RIMS3: variants seen among roughly 807,000 people sequenced by gnomAD.
RIMS3 encodes regulating synaptic membrane exocytosis 3.
A neutral mutation model predicts 29.2 loss-of-function variants in RIMS3; 15 were observed. The observed-to-expected ratio is 0.51, with a 90% CI of 0.34 to 0.79. RIMS3 has a LOEUF of 0.79. Among genes scored for constraint, RIMS3 ranks in the 30% least tolerant of loss-of-function variants. The pLI, the probability that RIMS3 is intolerant of heterozygous loss-of-function variation, is 0.01. For synonymous variants in RIMS3, 161 were observed against 170.1 expected (o/e 0.95, Z 0.41); for missense variants, 342 against 421.4 (o/e 0.81, Z 1.65).
At chr1:40,675,563 G>A in the RIMS3 span, among the ~76,000 whole-genome samples, 1 of 152,062 alleles carries the variant, frequency 6.6e-6, no homozygotes, top group Non-Finnish European at 1.5e-5. Context: ...TTCGAGACCA[G>A]CCTGGCAAAC....
rs1365728758 is a variant in RIMS3 at position 40,624,540 on chromosome 1, C to T, written c.*1977G>A. On this transcript the variant is annotated 3_prime_UTR_variant, in exon 8 of 8. Coordinates refer to ENST00000372684, the MANE Select transcript of RIMS3 (RefSeq NM_014747.3). ...CCCATCTCTATGCACCCAATGGTCC[C>T]TTTCTCTGATAATATAAGAATAGAG... 1 of 152,342 alleles carries T rather than the reference C, an allele frequency of 6.6e-6. No homozygotes were observed. The highest frequency in any genetic ancestry group is 1.9e-4 in the East Asian group (1 of 5,176). The allele number at this position is 152,342 out of a possible 1,614,324, so 9.4% of individuals were successfully genotyped here.
intron 1 of RIMS3, among the ~76,000 whole-genome samples, chr1:40,661,423 T>C (rs992274401): frequency 1.3e-5 from 2 of 152,136 alleles, no homozygotes; most frequent in Non-Finnish European, 2.9e-5. Context: ...GGCTATATAA[T>C]ATGCAGAGCC....
chr1:40,685,313 TATA>T, the RIMS3 span, among the ~76,000 whole-genome samples: 1 of 17,870 alleles, frequency 5.6e-5, no homozygotes, highest in Admixed American at 3.9e-4. Context: ...TATTAATATA[TATA>T]ATTATTAATA....
At chr1:40,646,089 C>T (rs2148352992) in intron 2 of RIMS3, among the ~76,000 whole-genome samples, 1 of 152,310 alleles carries the variant, frequency 6.6e-6, no homozygotes, top group South Asian at 2.1e-4. Context: ...GTGAACTCCT[C>T]TGGGCCTCGG....
chr1:40,660,199 C>T (rs1642331445), intron 1 of RIMS3, among the ~76,000 whole-genome samples: 1 of 152,126 alleles, frequency 6.6e-6, no homozygotes, highest in Middle Eastern at 3.4e-3. Flanking sequence ...GGAGAACTTT[C>T]AGCTTTCTAG....
intron 3 of RIMS3, among the ~76,000 whole-genome samples, chr1:40,639,265 C>T (rs1646540698): frequency 6.6e-6 from 1 of 152,210 alleles, no homozygotes; most frequent in African/African-American, 2.4e-5. Context: ...TTTCCCAGAA[C>T]AGTTTCCAGA....
chr1:40,684,691 A>C, the RIMS3 span, among the ~76,000 whole-genome samples: 1 of 152,110 alleles, frequency 6.6e-6, no homozygotes, highest in African/African-American at 2.4e-5. Flanking sequence ...CCACTTGGCC[A>C]TGGAGAATGT....
At chr1:40,662,797 G>A (rs1642371104) in intron 1 of RIMS3, among the ~76,000 whole-genome samples, 1 of 152,230 alleles carries the variant, frequency 6.6e-6, no homozygotes, top group Non-Finnish European at 1.5e-5. Context: ...GGGTGGAGAA[G>A]TATGGGTATA....
intron 3 of RIMS3, among the ~76,000 whole-genome samples, chr1:40,639,502 T>C (rs1646542454): frequency 6.6e-6 from 1 of 152,204 alleles, no homozygotes; most frequent in East Asian, 1.9e-4. Context: ...AATAACAGCA[T>C]CAACACTTCA....
rs1381248102 is a variant in RIMS3, at chr1:40,622,234, T to C, written c.*4283A>G. Reference sequence around the variant, plus strand: ...GTTGCTCTCTTTGGCATCACTGACATTGCTCTGAGATGCTCAGGCACGCTT... The same window carrying C: ...GTTGCTCTCTTTGGCATCACTGACACTGCTCTGAGATGCTCAGGCACGCTT... On this transcript the variant is annotated 3_prime_UTR_variant, in exon 8 of 8. Coordinates refer to ENST00000372684, the MANE Select transcript of RIMS3 (RefSeq NM_014747.3). 6.5e-6 allele frequency: 1 copy of C among 152,682 alleles called. No individual in the cohort carries two copies. Among genetic ancestry groups the C allele is most frequent in the Non-Finnish European group, 1.5e-5 (1 of 68,070 alleles). The allele number at this position is 152,682 out of a possible 1,614,324, so 9.5% of individuals were successfully genotyped here.
Position 40,641,775 on chromosome 1 carries a change from C to T in RIMS3, c.151G>A (p.Ala51Thr), listed in dbSNP as rs1275623682. The T allele has an allele frequency of 6.2e-7, 1 of 1,613,722 alleles. No individual in the cohort carries two copies. Among genetic ancestry groups the T allele is most frequent in the Non-Finnish European group, 8.5e-7 (1 of 1,179,680 alleles). The change falls in exon 3 of 8, where the codon GCC becomes ACC. Residue 51 changes from alanine (A) to threonine (T), a missense_variant. Ala to Thr is a moderately conservative substitution (Grantham distance 58). Transcript: ENST00000372684. Reference protein sequence around the residue: ...TAKKRRSSLGAKMVAIVGLTQ... With the variant: ...TAKKRRSSLGTKMVAIVGLTQ... ...AGGCCCACGATGGCCACCATCTTGGCACCCAGGCTGCTCCGCCGCTTCTTG... is the reference window on the plus strand; with the variant it reads ...AGGCCCACGATGGCCACCATCTTGGTACCCAGGCTGCTCCGCCGCTTCTTG...
chr1:40,641,774 G>A lies in RIMS3; in HGVS notation c.152C>T (p.Ala51Val). Reference sequence around the variant, plus strand: ...CAGGCCCACGATGGCCACCATCTTGGCACCCAGGCTGCTCCGCCGCTTCTT... The same window carrying A: ...CAGGCCCACGATGGCCACCATCTTGACACCCAGGCTGCTCCGCCGCTTCTT... ...TAKKRRSSLG[A>V]KMVAIVGLTQ... Residue 51 changes from alanine to valine, a missense_variant, in exon 3 of 8, where the codon GCC becomes GTC. Transcript: ENST00000372684. The A allele has an allele frequency of 1.2e-6, 2 of 1,613,718 alleles. No individual in the cohort carries two copies. The highest frequency in any genetic ancestry group is 2.2e-5 in the South Asian group (2 of 91,056).
chr1:40,663,751 C>T (rs1407848675), intron 1 of RIMS3, among the ~76,000 whole-genome samples: 2 of 152,160 alleles, frequency 1.3e-5, no homozygotes, highest in African/African-American at 4.8e-5. Flanking sequence ...GTGACACAGA[C>T]CACATGCCCT....
At chr1:40,626,766 C>G (rs1646457433) in intron 7 of RIMS3, 37 bp from the exon 8 acceptor site, 1 of 1,596,154 alleles carries the variant, frequency 6.3e-7, no homozygotes, top group Non-Finnish European at 8.6e-7. Flanking sequence ...TGAGCCACCT[C>G]CCTGACTCCA....
At chr1:40,651,002 C>A (rs531314584) in intron 1 of RIMS3, among the ~76,000 whole-genome samples, 3 of 151,986 alleles carry the variant, frequency 2.0e-5, no homozygotes, top group African/African-American at 7.2e-5. Flanking sequence ...CCTGGCTAAA[C>A]CCTATTCTTG....
chr1:40,681,953 C>A, the RIMS3 span, among the ~76,000 whole-genome samples: 1 of 152,206 alleles, frequency 6.6e-6, no homozygotes, highest in African/African-American at 2.4e-5. Flanking sequence ...CCTGCCTCCG[C>A]CTCCCAAGTA....
the RIMS3 span, chr1:40,681,662 T>C: frequency 3.3e-5 from 5 of 152,196 alleles, no homozygotes; most frequent in African/African-American, 1.2e-4. Flanking sequence ...TATCAAGGCC[T>C]TCCCCAGGCC....
At chr1:40,642,004 A>T in intron 2 of RIMS3, 48 bp from the exon 3 acceptor site, 1 of 1,211,756 alleles carries the variant, frequency 8.3e-7, no homozygotes, top group Non-Finnish European at 1.2e-6. Flanking sequence ...ACCTGGATGA[A>T]TCTACTGCAG....
intron 5 of RIMS3, 31 bp from the exon 6 acceptor site, chr1:40,629,403 G>C: frequency 6.3e-7 from 1 of 1,585,716 alleles, no homozygotes; most frequent in Non-Finnish European, 8.7e-7. Context: ...AGTCCAGGCA[G>C]GGCCAGACCA....
Sources: allele counts gnomAD v4.1 joint callset (sites outside exome capture counted in the v4.1 genomes callset), GRCh38; gene constraint gnomAD v4.1.1; transcripts MANE v1.5; gene names NCBI Gene and HGNC (gene_info 2026-07-23, HGNC 2026-07-21).